The following PAK5 variants were observed in gnomAD, a reference collection of about 807,000 sequenced individuals.
The protein encoded by PAK5 is p21 (RAC1) activated kinase 5.
A neutral mutation model predicts 65.9 loss-of-function variants in PAK5; 16 were observed. That is an observed-to-expected ratio of 0.24 (90% CI 0.16 to 0.37). PAK5 has a LOEUF of 0.37. Ranked by LOEUF, PAK5 falls within the 10% of genes least tolerant of loss-of-function variation. PAK5 has a pLI of 1.00. For synonymous variants in PAK5, 371 were observed against 354.9 expected (o/e 1.05, Z -0.51); for missense variants, 785 against 903.9 (o/e 0.87, Z 1.69).
intron 1 of PAK5, among the ~76,000 whole-genome samples, chr20:9,720,743 T>A (rs1356333810): frequency 6.6e-6 from 1 of 152,116 alleles, no homozygotes; most frequent in East Asian, 1.9e-4. Flanking sequence ...TAACATGCAG[T>A]ATATCCAATC....
intron 2 of PAK5, among the ~76,000 whole-genome samples, chr20:9,694,013 G>A (rs1257265527): frequency 6.6e-6 from 1 of 151,496 alleles, no homozygotes; most frequent in African/African-American, 2.4e-5. Flanking sequence ...GGTTTTTCAG[G>A]ACAAGTTGAA....
chr20:9,595,146 C>A (rs2046241748), intron 3 of PAK5, among the ~76,000 whole-genome samples: 1 of 150,634 alleles, frequency 6.6e-6, no homozygotes, highest in East Asian at 1.9e-4. Flanking sequence ...GAGATAGTAT[C>A]AAATAAAAAA....
At chr20:9,652,385 A>T (rs2047213607) in intron 2 of PAK5, among the ~76,000 whole-genome samples, 1 of 152,240 alleles carries the variant, frequency 6.6e-6, no homozygotes, top group African/African-American at 2.4e-5. Flanking sequence ...AGGAAAATCT[A>T]AAAATCTTGG....
chr20:9,605,758 G>A (rs1312063911), intron 3 of PAK5, among the ~76,000 whole-genome samples: 3 of 152,072 alleles, frequency 2.0e-5, no homozygotes, highest in Admixed American at 6.6e-5. Context: ...GTAAGACCCC[G>A]TCTCTACTAA....
chr20:9,676,488 T>A (rs1353204127), intron 2 of PAK5, among the ~76,000 whole-genome samples: 1 of 152,300 alleles, frequency 6.6e-6, no homozygotes, highest in East Asian at 1.9e-4. Flanking sequence ...AGGATCCTAT[T>A]CCTGGGAACT....
intron 5 of PAK5, among the ~76,000 whole-genome samples, chr20:9,564,324 T>C (rs963932000): frequency 9.9e-5 from 15 of 152,284 alleles, no homozygotes; most frequent in Non-Finnish European, 2.9e-5. Flanking sequence ...GTACAACAAA[T>C]ATACAGAGAA....
chr20:9,750,275 A>G (rs2048560406), intron 1 of PAK5, among the ~76,000 whole-genome samples: 1 of 152,116 alleles, frequency 6.6e-6, no homozygotes, highest in Non-Finnish European at 1.5e-5. Flanking sequence ...ATTTAACACA[A>G]CTCTGCTTTA....
chr20:9,787,195 G>A (rs1240794963), intron 1 of PAK5, among the ~76,000 whole-genome samples: 1 of 152,094 alleles, frequency 6.6e-6, no homozygotes, highest in Admixed American at 6.6e-5. Flanking sequence ...AAGCATAGAG[G>A]GGTCAAGTTA....
chr20:9,745,235 C>G (rs941487442), intron 1 of PAK5, among the ~76,000 whole-genome samples: 3 of 151,994 alleles, frequency 2.0e-5, no homozygotes, highest in African/African-American at 7.2e-5. Flanking sequence ...AAATTGCCAT[C>G]ATTTAGTCAA....
chr20:9,690,619 A>G (rs902418996), intron 2 of PAK5, among the ~76,000 whole-genome samples: 1 of 151,982 alleles, frequency 6.6e-6, no homozygotes, highest in Admixed American at 6.6e-5. Context: ...TACCACTGCC[A>G]GCCCCTGCTT....
chr20:9,614,317 T>G (rs1600144114), intron 3 of PAK5, among the ~76,000 whole-genome samples: 2 of 152,170 alleles, frequency 1.3e-5, no homozygotes, highest in Admixed American at 6.5e-5. Flanking sequence ...GAAAAAATGC[T>G]GAATGAAAAA....
At chr20:9,560,805 A>G (rs1305833689) in intron 6 of PAK5, among the ~76,000 whole-genome samples, 1 of 152,142 alleles carries the variant, frequency 6.6e-6, no homozygotes, top group Non-Finnish European at 1.5e-5. Context: ...CCCTTCTATA[A>G]CCCTCTGTTT....
chr20:9,649,976 G>A lies in PAK5; in HGVS notation c.-11-5637C>T, dbSNP rs572494829. Among the ~76,000 whole-genome samples, 47 of 152,212 alleles carry A rather than the reference G, an allele frequency of 3.1e-4. No individual in the cohort carries two copies. In the South Asian group the frequency reaches 3.9e-3, roughly 13 times the overall value. On this transcript the variant is annotated intron_variant, in intron 2 of 9. Transcript: ENST00000353224. ...GAAACTGAAATGGAATTCAAAACCCGGCAGTCCACATTTTGAGTACAAACT... is the reference window on the plus strand; with the variant it reads ...GAAACTGAAATGGAATTCAAAACCCAGCAGTCCACATTTTGAGTACAAACT...
chr20:9,712,321 C>T (rs922070416), intron 1 of PAK5, among the ~76,000 whole-genome samples: 5 of 151,944 alleles, frequency 3.3e-5, no homozygotes, highest in East Asian at 1.9e-4. Flanking sequence ...CATATCCTTG[C>T]CATTTAAATG....
intron 2 of PAK5, among the ~76,000 whole-genome samples, chr20:9,654,055 C>A (rs1056675198): frequency 6.6e-6 from 1 of 151,554 alleles, no homozygotes; most frequent in Non-Finnish European, 1.5e-5. Flanking sequence ...CTCACTGCAA[C>A]CTCTGCCTCC....
intron 3 of PAK5, among the ~76,000 whole-genome samples, 165 bp from the exon 4 acceptor site, chr20:9,581,095 T>C (rs1044003168): frequency 1.3e-5 from 2 of 152,158 alleles, no homozygotes; most frequent in Non-Finnish European, 2.9e-5. Context: ...ACTTCAGTGG[T>C]GAAATAAATC....
intron 3 of PAK5, among the ~76,000 whole-genome samples, chr20:9,637,319 C>A (rs544268182): frequency 7.9e-5 from 12 of 152,188 alleles, no homozygotes; most frequent in African/African-American, 2.9e-4. Context: ...AAACATAAGA[C>A]TATAAAGCAC....
Position 9,763,307 on chromosome 20 carries a change from G to A in PAK5, c.-161-51872C>T, listed in dbSNP as rs117550150. Among the ~76,000 whole-genome samples the A allele has an allele frequency of 5.3e-3, 804 of 152,120 alleles. 4 individuals carry two copies. The highest frequency in any genetic ancestry group is 8.9e-3 in the Non-Finnish European group (604 of 67,954). Reference sequence around the variant, plus strand: ...ATGAAATTATAATAAGAGGGGCAGGGTGAGAGGAAACTTTGGGAGGTGATG... The same window carrying A: ...ATGAAATTATAATAAGAGGGGCAGGATGAGAGGAAACTTTGGGAGGTGATG... On this transcript the variant is annotated intron_variant, in intron 1 of 9. Coordinates refer to ENST00000353224, the MANE Select transcript of PAK5 (RefSeq NM_177990.4).
chr20:9,774,294 C>T (rs1012112709), intron 1 of PAK5, among the ~76,000 whole-genome samples: 4 of 152,160 alleles, frequency 2.6e-5, no homozygotes, highest in African/African-American at 4.8e-5. Context: ...GGAGAAAACA[C>T]GAACATGCAC....
Sources: gnomAD v4.1 joint callset for allele counts (sites outside exome capture counted in the v4.1 genomes callset) on GRCh38, gnomAD v4.1.1 for gene constraint, MANE v1.5 for transcripts, NCBI Gene and HGNC (gene_info 2026-07-23, HGNC 2026-07-21) for gene names.